SHC3: variants seen among roughly 807,000 people sequenced by gnomAD.
SHC3 encodes SHC adaptor protein 3, also known as SHC-transforming protein 3.
SHC3 carries 15 observed loss-of-function variants against 60.4 expected under a neutral mutation model. That is an observed-to-expected ratio of 0.25 (90% CI 0.17 to 0.38). The LOEUF is 0.38. Among genes scored for constraint, SHC3 ranks in the 10% least tolerant of loss-of-function variants. The pLI is 1.00. For missense variants in SHC3, 677 were observed against 786.1 expected, an observed-to-expected ratio of 0.86 and a Z score of 1.66; for synonymous variants, 294 against 325.9, an observed-to-expected ratio of 0.90 and a Z score of 1.05.
At chr9:89,069,379 A>G (rs879358825) in intron 5 of SHC3, among the ~76,000 whole-genome samples, 9 of 152,196 alleles carry the variant, frequency 5.9e-5, no homozygotes, top group Non-Finnish European at 1.3e-4. Flanking sequence ...CTTACAATAA[A>G]GTGTAAGAAA....
intron 2 of SHC3, among the ~76,000 whole-genome samples, chr9:89,094,893 C>T (rs183053353): frequency 1.6e-4 from 24 of 152,140 alleles, no homozygotes; most frequent in East Asian, 1.2e-3. Context: ...AGCCATGATG[C>T]GATACCACCT....
In SHC3 at chr9:89,172,961, C is replaced by T. The variant is rs913977043; in HGVS notation, c.474+5026G>A. On this transcript the variant is annotated intron_variant, in intron 1 of 11. Coordinates refer to ENST00000375835, the MANE Select transcript of SHC3 (RefSeq NM_016848.6). Reference sequence around the variant, plus strand: ...CAGGTGTCCATCAGGTGAGCACACTCCTGATACTGCAGTGTGCTTCCCTGG... The same window carrying T: ...CAGGTGTCCATCAGGTGAGCACACTTCTGATACTGCAGTGTGCTTCCCTGG... 2.3e-4 allele frequency among the ~76,000 whole-genome samples: 35 copies of T among 152,198 alleles called. 1 individual carries two copies. Among genetic ancestry groups the T allele is most frequent in the Non-Finnish European group, 1.5e-5 (1 of 68,034 alleles).
rs546127576 is a variant in SHC3, at chr9:89,052,297, A to G, written c.836-134T>C. 3.2e-4 allele frequency: 345 copies of G among 1,079,796 alleles called. 1 individual carries two copies. Among genetic ancestry groups the G allele is most frequent in the Non-Finnish European group, 4.0e-4 (311 of 773,482 alleles). The allele number at this position is 1,079,796 out of a possible 1,614,324, so 66.9% of individuals were successfully genotyped here. A position where few individuals can be genotyped will look rare whatever the true frequency, so the allele number is the denominator to read the frequency against. ...TTCCATAATATGTCCTAGCAGATCCAACCACAGCTTTATCTCCAGGTAGGG... is the reference window on the plus strand; with the variant it reads ...TTCCATAATATGTCCTAGCAGATCCGACCACAGCTTTATCTCCAGGTAGGG... On this transcript the variant is annotated intron_variant, in intron 6 of 11. Coordinates refer to ENST00000375835, the MANE Select transcript of SHC3 (RefSeq NM_016848.6).
chr9:89,177,197 T>C lies in SHC3; in HGVS notation c.474+790A>G, dbSNP rs1481310048. ...TGTGCTGAGCATTTTTCCTTAAATA[T>C]CATAACATGCTTGCATAAGGGTGGA... On this transcript the variant is annotated intron_variant, in intron 1 of 11. Coordinates refer to ENST00000375835, the MANE Select transcript of SHC3 (RefSeq NM_016848.6). Among the ~76,000 whole-genome samples, 6 of 152,204 alleles carry C rather than the reference T, an allele frequency of 3.9e-5. No individual in the cohort carries two copies. The East Asian group carries it at 1.2e-3, about 29-fold the overall frequency.
intron 5 of SHC3, among the ~76,000 whole-genome samples, chr9:89,070,255 C>G (rs1300685773): frequency 6.6e-6 from 1 of 152,166 alleles, no homozygotes; most frequent in Admixed American, 6.5e-5. Context: ...AATTTTAAAA[C>G]TTTTCTCCAA....
intron 2 of SHC3, among the ~76,000 whole-genome samples, chr9:89,101,781 T>C (rs143465380): frequency 0.013 from 2,005 of 152,132 alleles, 27 homozygotes; most frequent in Non-Finnish European, 0.018. Context: ...TGTGTCTAGG[T>C]TCATAAATTT....
intron 11 of SHC3, among the ~76,000 whole-genome samples, chr9:89,036,686 G>A (rs966402926): frequency 4.6e-5 from 7 of 152,186 alleles, no homozygotes; most frequent in African/African-American, 1.4e-4. Flanking sequence ...TACAGTGGTG[G>A]AAAAGGAAGA....
At chr9:89,122,149 C>A (rs139437027) in intron 1 of SHC3, among the ~76,000 whole-genome samples, 9 of 152,318 alleles carry the variant, frequency 5.9e-5, no homozygotes, top group African/African-American at 1.7e-4. Flanking sequence ...ACCTGGGAAT[C>A]CATTTCACAT....
At position 89,013,224 on chromosome 9, in the gene SHC3, G is replaced by T. The variant is rs774304139; in HGVS notation, c.*223C>A. 11 of 359,558 alleles carry T rather than the reference G, an allele frequency of 3.1e-5. No homozygotes were observed. The highest frequency in any genetic ancestry group is 4.9e-5 in the Non-Finnish European group (10 of 204,212). The allele number at this position is 359,558 out of a possible 1,614,324, so 22.3% of individuals were successfully genotyped here. A position where few individuals can be genotyped will look rare whatever the true frequency, so the allele number is the denominator to read the frequency against. On this transcript the variant is annotated 3_prime_UTR_variant, in exon 12 of 12. Coordinates refer to ENST00000375835, the MANE Select transcript of SHC3 (RefSeq NM_016848.6). Reference sequence around the variant, plus strand: ...TAGTCTTAAAAAATATAAATATAGAGGGATAATTTGTACAGGATGTATAGG... The same window carrying T: ...TAGTCTTAAAAAATATAAATATAGATGGATAATTTGTACAGGATGTATAGG...
intron 1 of SHC3, among the ~76,000 whole-genome samples, chr9:89,140,190 C>T (rs1368921246): frequency 6.6e-6 from 1 of 152,152 alleles, no homozygotes. Context: ...CACATAAATA[C>T]ATGACAGAAG....
chr9:89,144,517 G>T (rs577732946), intron 1 of SHC3, among the ~76,000 whole-genome samples: 6 of 152,228 alleles, frequency 3.9e-5, no homozygotes, highest in African/African-American at 1.4e-4. Flanking sequence ...TGAGCTTCAG[G>T]TTTCACTGGA....
chr9:89,138,988 G>T (rs552598291), intron 1 of SHC3, among the ~76,000 whole-genome samples: 1 of 151,730 alleles, frequency 6.6e-6, no homozygotes, highest in African/African-American at 2.4e-5. Context: ...CCTACACGAA[G>T]AGTACAACAG....
chr9:89,099,738 G>A (rs1825756314), intron 2 of SHC3, among the ~76,000 whole-genome samples: 1 of 152,152 alleles, frequency 6.6e-6, no homozygotes, highest in African/African-American at 2.4e-5. Flanking sequence ...AAGACACCGT[G>A]AATATAAAAT....
At chr9:89,149,485 C>G (rs1671633969) in intron 1 of SHC3, among the ~76,000 whole-genome samples, 2 of 152,018 alleles carry the variant, frequency 1.3e-5, no homozygotes, top group South Asian at 4.2e-4. Flanking sequence ...CTCTCTGCAC[C>G]CCTCTTCCTA....
At chr9:89,103,102 C>A (rs1054003348) in intron 2 of SHC3, among the ~76,000 whole-genome samples, 3 of 152,116 alleles carry the variant, frequency 2.0e-5, no homozygotes, top group Admixed American at 2.0e-4. Context: ...GCAAGCGGAA[C>A]TTAACGATGA....
intron 2 of SHC3, among the ~76,000 whole-genome samples, chr9:89,101,965 T>C (rs184449374): frequency 2.0e-5 from 3 of 152,138 alleles, no homozygotes; most frequent in African/African-American, 4.8e-5. Flanking sequence ...GTTTTCTCTC[T>C]AAAAATATTT....
intron 11 of SHC3, 27 bp downstream of exon 11, chr9:89,037,966 C>T (rs779397391): frequency 6.3e-6 from 10 of 1,597,920 alleles, no homozygotes; most frequent in Non-Finnish European, 8.5e-6. Flanking sequence ...ACTGGCAGGT[C>T]CGGCCCCACC....
intron 1 of SHC3, among the ~76,000 whole-genome samples, chr9:89,152,307 C>A (rs1318839231): frequency 1.3e-5 from 2 of 152,292 alleles, no homozygotes; most frequent in Admixed American, 1.3e-4. Context: ...GGCCAGTTGG[C>A]CTGGGCATAG....
At chr9:89,022,550 G>C (rs9410296) in intron 11 of SHC3, among the ~76,000 whole-genome samples, 147,623 of 152,252 alleles carry the variant, frequency 0.97, 71,677 homozygotes, top group Middle Eastern at 1. Flanking sequence ...TTTAATTTTA[G>C]TTGTCCTCAG....
Sources: gnomAD v4.1 joint callset for allele counts (sites outside exome capture counted in the v4.1 genomes callset) on GRCh38, gnomAD v4.1.1 for gene constraint, MANE v1.5 for transcripts, NCBI Gene and HGNC (gene_info 2026-07-23, HGNC 2026-07-21) for gene names.